JAK2: variants seen among roughly 807,000 people sequenced by gnomAD.
JAK2 encodes tyrosine-protein kinase JAK2.
In JAK2, 86 loss-of-function variants were observed where a neutral mutation model predicts 139.3. The ratio of observed to expected loss-of-function variants is 0.62; its 90% CI spans 0.52 to 0.74. JAK2 has a LOEUF of 0.74. Ranked by LOEUF, JAK2 falls within the 30% of genes least tolerant of loss-of-function variation. The pLI is 0.00. For synonymous variants in JAK2, 490 were observed against 437.7 expected, an observed-to-expected ratio of 1.12 and a Z score of -1.49; for missense variants, 1,421 against 1,360.3, an observed-to-expected ratio of 1.04 and a Z score of -0.70.
chr9:5,013,566 T>C (rs960021421), intron 2 of JAK2, among the ~76,000 whole-genome samples: 1 of 152,254 alleles, frequency 6.6e-6, no homozygotes, highest in Non-Finnish European at 1.5e-5. Flanking sequence ...GTCTCTACTT[T>C]GTTCCAGGAA....
intron 22 of JAK2, among the ~76,000 whole-genome samples, chr9:5,093,734 GA>G (rs1227932131): frequency 6.6e-6 from 1 of 152,106 alleles, no homozygotes; most frequent in Non-Finnish European, 1.5e-5. Context: ...TTACCCTAGG[GA>G]TAACAGTGCA....
chr9:5,112,437 AGAG>A (rs1031142936), intron 22 of JAK2: 29 of 519,896 alleles, frequency 5.6e-5, no homozygotes, highest in African/African-American at 5.1e-4. Context: ...TGACCACTCA[AGAG>A]GAGAAGAAGG....
chr9:5,011,234 G>C (rs1294696630), intron 2 of JAK2, among the ~76,000 whole-genome samples: 1 of 151,998 alleles, frequency 6.6e-6, no homozygotes, highest in African/African-American at 2.4e-5. Context: ...TGTTACTCTT[G>C]TTGTTCAGTG....
chr9:5,086,012 A>G (rs1210085309), intron 19 of JAK2: 17 of 820,600 alleles, frequency 2.1e-5, no homozygotes, highest in Non-Finnish European at 3.5e-5. Flanking sequence ...ACTGTGATAT[A>G]CTATATACAT....
intron 3 of JAK2, among the ~76,000 whole-genome samples, chr9:5,028,860 G>C (rs1822953606): frequency 6.6e-6 from 1 of 152,206 alleles, no homozygotes; most frequent in East Asian, 1.9e-4. Context: ...GGTTTGGCTT[G>C]AGGGAATATT....
chr9:5,119,265 T>A (rs1004790840), intron 22 of JAK2, among the ~76,000 whole-genome samples: 1 of 152,104 alleles, frequency 6.6e-6, no homozygotes, highest in African/African-American at 2.4e-5. Context: ...GTGATTTTTT[T>A]AAAACCTGAG....
chr9:5,041,547 C>G (rs1816514269), intron 4 of JAK2: 1 of 532,824 alleles, frequency 1.9e-6, no homozygotes, highest in African/African-American at 1.9e-5. Flanking sequence ...CGAGAACTTC[C>G]CAGAGGAGAT....
At chr9:5,115,757 T>C (rs549757311) in intron 22 of JAK2, among the ~76,000 whole-genome samples, 115 of 152,318 alleles carry the variant, frequency 7.5e-4, no homozygotes, top group Admixed American at 1.3e-3. Context: ...TCATGTCCTT[T>C]GCAGGGACAA....
At position 5,123,111 on chromosome 9, in the gene JAK2, G is replaced by C. The variant is rs748566741; in HGVS notation, c.3167G>C (p.Ser1056Thr). ...ELFTYIEKSK[S>T]PPAEFMRMIG... ...TTCACATACATTGAGAAGAGTAAAAGTCCACCAGCGGTCAGTGTGCTTTTT... is the reference window on the plus strand; with the variant it reads ...TTCACATACATTGAGAAGAGTAAAACTCCACCAGCGGTCAGTGTGCTTTTT... The change falls in exon 23 of 25, where the codon AGT (serine) becomes ACT (threonine). Residue 1056 changes from serine to threonine, a missense_variant. Coordinates refer to ENST00000381652, the MANE Select transcript of JAK2 (RefSeq NM_004972.4). The C allele has an allele frequency of 6.3e-7, 1 of 1,588,332 alleles. No homozygotes were observed. The highest frequency in any genetic ancestry group is 8.6e-7 in the Non-Finnish European group (1 of 1,164,468).
intron 4 of JAK2, among the ~76,000 whole-genome samples, chr9:5,036,048 T>C (rs951272976): frequency 6.6e-6 from 1 of 152,160 alleles, no homozygotes; most frequent in Non-Finnish European, 1.5e-5. Context: ...GCATACAAAA[T>C]CAATGTGCAA....
At chr9:5,065,149 GTT>G in intron 9 of JAK2, 109 bp downstream of exon 9, 1 of 642,868 alleles carries the variant, frequency 1.6e-6, no homozygotes, top group Non-Finnish European at 2.3e-6. Context: ...AATTTGACAA[GTT>G]TTTTTTAAAC....
At chr9:5,106,661 C>A (rs1821981866) in intron 22 of JAK2, among the ~76,000 whole-genome samples, 1 of 152,194 alleles carries the variant, frequency 6.6e-6, no homozygotes, top group Admixed American at 6.5e-5. Flanking sequence ...AAATGCCCAT[C>A]AATGATAGAC....
chr9:5,041,894 C>G, intron 4 of JAK2: 1 of 417,410 alleles, frequency 2.4e-6, no homozygotes, highest in Non-Finnish European at 4.6e-6. Context: ...ATCAGGGCGC[C>G]TGCAGAGATG....
At chr9:5,111,478 T>C (rs1822532151) in intron 22 of JAK2, 3 of 381,536 alleles carry the variant, frequency 7.9e-6, no homozygotes, top group South Asian at 2.0e-5. Context: ...CCAGCTCAGG[T>C]GAGGAGTACG....
At chr9:5,007,494 A>C (rs1821384915) in intron 2 of JAK2, among the ~76,000 whole-genome samples, 1 of 152,096 alleles carries the variant, frequency 6.6e-6, no homozygotes, top group Non-Finnish European at 1.5e-5. Context: ...GCAGAACTTC[A>C]CATTTTTCAA....
intron 22 of JAK2, chr9:5,111,037 G>C (rs1401477041): frequency 1.1e-6 from 1 of 905,982 alleles, no homozygotes; most frequent in Non-Finnish European, 1.7e-6. Context: ...CCTGGCCGGG[G>C]CGCAATTCAG....
intron 2 of JAK2, among the ~76,000 whole-genome samples, chr9:5,001,073 A>T (rs1245743582): frequency 6.6e-6 from 1 of 152,232 alleles, no homozygotes; most frequent in Non-Finnish European, 1.5e-5. Context: ...ATACTGGTAA[A>T]TTCATTTATA....
At chr9:5,106,557 C>A (rs1293384137) in intron 22 of JAK2, among the ~76,000 whole-genome samples, 1 of 152,170 alleles carries the variant, frequency 6.6e-6, no homozygotes. Context: ...TGGGTATACA[C>A]CCAAAGGATT....
chr9:5,058,397 C>T (rs1817918888), intron 8 of JAK2, among the ~76,000 whole-genome samples: 1 of 152,120 alleles, frequency 6.6e-6, no homozygotes, highest in African/African-American at 2.4e-5. Flanking sequence ...GGGGAAAGTG[C>T]CACTTTTAAA....
Sources: allele counts gnomAD v4.1 joint callset (sites outside exome capture counted in the v4.1 genomes callset), GRCh38; gene constraint gnomAD v4.1.1; transcripts MANE v1.5; gene names NCBI Gene and HGNC (gene_info 2026-07-23, HGNC 2026-07-21).